Variants in APPL2 observed in about 807,000 individuals in gnomAD.
APPL2 encodes adaptor protein, phosphotyrosine interacting with PH domain and leucine zipper 2.
Under a neutral mutation model 92.7 loss-of-function variants are expected in APPL2, and 84 were observed. That is an observed-to-expected ratio of 0.91 (90% CI 0.76 to 1.09). The LOEUF (loss-of-function observed/expected upper bound fraction) is 1.09. Among genes scored for constraint, APPL2 ranks in the 50% least tolerant of loss-of-function variants. The pLI, the probability that APPL2 is intolerant of heterozygous loss-of-function variation, is 0.00. For synonymous variants in APPL2, 291 were observed against 291.0 expected (o/e 1.00, Z 0.00); for missense variants, 736 against 824.5 (o/e 0.89, Z 1.31).
chr12:105,175,801 G>A (rs1462240145), intron 20 of APPL2, among the ~76,000 whole-genome samples: 2 of 152,118 alleles, frequency 1.3e-5, no homozygotes, highest in Non-Finnish European at 2.9e-5. Context: ...TAGTATGCAA[G>A]CAAGAAAACA....
chr12:105,181,144 A>G (rs566110448), intron 17 of APPL2, among the ~76,000 whole-genome samples: 2 of 152,244 alleles, frequency 1.3e-5, no homozygotes, highest in South Asian at 4.1e-4. Flanking sequence ...ATCAATACCT[A>G]GTTTATTGAG....
chr12:105,230,751 T>C (rs752247251), intron 1 of APPL2, among the ~76,000 whole-genome samples: 14 of 152,336 alleles, frequency 9.2e-5, no homozygotes, highest in Middle Eastern at 6.8e-3. Context: ...TTCACAGCAA[T>C]GCATGCTTAT....
At chr12:105,229,990 G>C (rs1890805018) in intron 1 of APPL2, 1 of 154,628 alleles carries the variant, frequency 6.5e-6, no homozygotes, top group Non-Finnish European at 1.4e-5. Flanking sequence ...ATGTTGGCTA[G>C]GCTGGTCTCA....
intron 11 of APPL2, among the ~76,000 whole-genome samples, chr12:105,196,046 C>T (rs903777693): frequency 1.4e-5 from 2 of 148,056 alleles, no homozygotes; most frequent in African/African-American, 5.0e-5. Context: ...TAGGGCAAGG[C>T]CCTATCTCAA....
At chr12:105,213,445 G>A (rs1174064347) in intron 4 of APPL2, among the ~76,000 whole-genome samples, 1 of 152,216 alleles carries the variant, frequency 6.6e-6, no homozygotes. Flanking sequence ...ACAAGACAGT[G>A]ACATGAACAG....
intron 17 of APPL2, among the ~76,000 whole-genome samples, chr12:105,177,914 C>CTGAGTAGCTGGGATTACA (rs1266567920): frequency 5.3e-5 from 8 of 152,158 alleles, no homozygotes; most frequent in Non-Finnish European, 1.2e-4. Flanking sequence ...CCTCAGCCTC[C>CTGAGTAGCTGGGATTACA]TGAGTAGCTG....
chr12:105,173,688 A>G lies in APPL2; in HGVS notation c.*626T>C, dbSNP rs1432021655. On this transcript the variant is annotated 3_prime_UTR_variant, in exon 21 of 21. Transcript: ENST00000258530. Reference sequence around the variant, plus strand: ...GTAAGGCTCCACTGTAAAATCAAACATCTTTTGTGGTATTCATTTTTTTAT... The same window carrying G: ...GTAAGGCTCCACTGTAAAATCAAACGTCTTTTGTGGTATTCATTTTTTTAT... 6.6e-6 allele frequency: 1 copy of G among 152,570 alleles called. No homozygotes were observed. Among genetic ancestry groups the G allele is most frequent in the Non-Finnish European group, 1.5e-5 (1 of 68,064 alleles). 9.5% of individuals were successfully genotyped at this position (152,570 alleles called of 1,614,324 possible). A position where few individuals can be genotyped will look rare whatever the true frequency, so the allele number is the denominator to read the frequency against.
intron 4 of APPL2, among the ~76,000 whole-genome samples, chr12:105,216,057 T>C (rs975131046): frequency 6.6e-6 from 1 of 152,216 alleles, no homozygotes; most frequent in Non-Finnish European, 1.5e-5. Flanking sequence ...GAACTATTTA[T>C]ATCTACCTAA....
At position 105,197,782 on chromosome 12, in the gene APPL2, G is replaced by C; in HGVS notation, c.1035C>G (p.Thr345=). 1 of 1,614,208 alleles carries C rather than the reference G, an allele frequency of 6.2e-7. No individual in the cohort carries two copies. The highest frequency in any genetic ancestry group is 8.5e-7 in the Non-Finnish European group (1 of 1,180,044). ...CEDRRYCFQI[T]TPNGKSGIIL... ...AAACATACGATTTTCCATTGGGCGT[G>C]GTGATCTGGAAGCAGTAGCGCCGGT... Residue 345 remains threonine (T), a synonymous_variant, in exon 11 of 21, where the codon ACC becomes ACG. Transcript: ENST00000258530.
At chr12:105,191,101 G>T (rs1231200417) in intron 14 of APPL2, among the ~76,000 whole-genome samples, 1 of 152,280 alleles carries the variant, frequency 6.6e-6, no homozygotes, top group South Asian at 2.1e-4. Flanking sequence ...ACTGAATGTA[G>T]TGTATCAAAC....
intron 4 of APPL2, among the ~76,000 whole-genome samples, chr12:105,212,823 G>T (rs1172112062): frequency 6.6e-6 from 1 of 152,194 alleles, no homozygotes; most frequent in African/African-American, 2.4e-5. Context: ...GGCTTCAGAG[G>T]CCACTCTTAC....
chr12:105,222,803 T>A (rs566094155), intron 2 of APPL2, among the ~76,000 whole-genome samples: 2 of 152,036 alleles, frequency 1.3e-5, no homozygotes, highest in African/African-American at 4.8e-5. Context: ...TACAAGGCAT[T>A]TGGGCACACT....
intron 10 of APPL2, 143 bp from the exon 11 acceptor site, chr12:105,198,096 A>C: frequency 1.3e-6 from 1 of 764,308 alleles, no homozygotes; most frequent in Non-Finnish European, 2.1e-6. Context: ...TGCCCATTCA[A>C]GTGGAAAGAG....
At chr12:105,220,699 C>G (rs1215150731) in intron 2 of APPL2, among the ~76,000 whole-genome samples, 1 of 152,202 alleles carries the variant, frequency 6.6e-6, no homozygotes, top group Non-Finnish European at 1.5e-5. Flanking sequence ...AGCTTACTGG[C>G]AAATGCTCCG....
intron 14 of APPL2, among the ~76,000 whole-genome samples, chr12:105,191,810 A>G (rs531888206): frequency 1.9e-4 from 29 of 152,136 alleles, no homozygotes; most frequent in African/African-American, 7.0e-4. Flanking sequence ...GTTTCCTTCT[A>G]CCTTTCTTGA....
chr12:105,215,584 G>A (rs926585834), intron 4 of APPL2, among the ~76,000 whole-genome samples: 2 of 152,240 alleles, frequency 1.3e-5, no homozygotes, highest in East Asian at 1.9e-4. Flanking sequence ...TTGAATAAAC[G>A]AAAATGCAAT....
chr12:105,234,203 T>A (rs968821795), intron 1 of APPL2, among the ~76,000 whole-genome samples: 7 of 152,242 alleles, frequency 4.6e-5, no homozygotes, highest in African/African-American at 1.7e-4. Context: ...CTAAACCTCC[T>A]CTGCCACATA....
In APPL2 at chr12:105,177,273, A is replaced by G. The variant is rs1885640950; in HGVS notation, c.1635-11T>C. 6.2e-7 allele frequency: 1 copy of G among 1,611,894 alleles called. No homozygotes were observed. The highest frequency in any genetic ancestry group is 8.5e-7 in the Non-Finnish European group (1 of 1,178,062). ...TGTGGATCTATCAACCTGAAATTTT[A>G]AAAGATACATTATGTCACAAATGTT... On this transcript the variant is annotated splice_polypyrimidine_tract_variant and intron_variant, in intron 17 of 20. Transcript: ENST00000258530.
intron 9 of APPL2, among the ~76,000 whole-genome samples, chr12:105,201,108 C>T (rs913482985): frequency 3.3e-5 from 5 of 152,118 alleles, no homozygotes; most frequent in African/African-American, 4.8e-5. Flanking sequence ...GGGGTTTCAC[C>T]ATGTTGGCCA....
Sources: allele counts gnomAD v4.1 joint callset (sites outside exome capture counted in the v4.1 genomes callset), GRCh38; gene constraint gnomAD v4.1.1; transcripts MANE v1.5; gene names NCBI Gene and HGNC (gene_info 2026-07-23, HGNC 2026-07-21).